JDP2: variants seen among roughly 807,000 people sequenced by gnomAD.
JDP2 encodes the protein Jun dimerization protein 2.
Under a neutral mutation model 17.1 loss-of-function variants are expected in JDP2, and 9 were observed. That is an observed-to-expected ratio of 0.53 (90% CI 0.32 to 0.92). JDP2 has a LOEUF of 0.92. Among genes scored for constraint, JDP2 ranks in the 40% least tolerant of loss-of-function variants. The pLI is 0.04. For synonymous variants in JDP2, 107 were observed against 95.6 expected (o/e 1.12, Z -0.69); for missense variants, 179 against 220.0 (o/e 0.81, Z 1.18).
At chr14:75,445,010 C>A in intron 2 of JDP2, 1 of 704,936 alleles carries the variant, frequency 1.4e-6, no homozygotes, top group Non-Finnish European at 1.7e-6. Context: ...GTATTCCCAT[C>A]AACCAACAAT....
intron 2 of JDP2, among the ~76,000 whole-genome samples, chr14:75,440,140 C>T (rs1417721515): frequency 6.6e-6 from 1 of 152,218 alleles, no homozygotes; most frequent in Non-Finnish European, 1.5e-5. Context: ...GTGCTGTCCT[C>T]ACAGGCACCC....
intron 2 of JDP2, among the ~76,000 whole-genome samples, chr14:75,447,392 G>A (rs753930945): frequency 3.3e-5 from 5 of 152,088 alleles, no homozygotes; most frequent in East Asian, 1.9e-4. Flanking sequence ...GAGAGCTGAC[G>A]CTCAGAAGAT....
intron 3 of JDP2, among the ~76,000 whole-genome samples, chr14:75,462,285 C>G (rs987746919): frequency 2.6e-5 from 4 of 152,188 alleles, no homozygotes; most frequent in Non-Finnish European, 4.4e-5. Flanking sequence ...CCAGGAGTCT[C>G]TGGTCTTTCC....
rs1885479592 is a variant in JDP2, at chr14:75,443,982, AG to A, written c.201+5862del. ...CAATGGCATGATCTTGGCTCACTGC[AG>A]CCTTGACCTCTTGAGCTCAAGAAAT... On this transcript the variant is annotated intron_variant, in intron 2 of 3. Transcript: ENST00000651602. Among the ~76,000 whole-genome samples, 3 of 151,924 alleles carry A rather than the reference AG, an allele frequency of 2.0e-5. No individual in the cohort carries two copies. In the South Asian group the frequency reaches 6.2e-4, roughly 32 times the overall value.
Position 75,469,358 on chromosome 14 carries a change from G to A in JDP2, c.375G>A (p.Arg125=). Residue 125 remains arginine (R), a synonymous_variant, in exon 4 of 4, where the codon CGG becomes CGA. Coordinates refer to ENST00000651602, the MANE Select transcript of JDP2 (RefSeq NM_001135048.2). Reference sequence around the variant, plus strand: ...AGATTGAGGAGCTGAAGCAGGAGCGGCAGCAGCTCATCCTGATGCTGAACC... The same window carrying A: ...AGATTGAGGAGCTGAAGCAGGAGCGACAGCAGCTCATCCTGATGCTGAACC... ...KTQIEELKQE[R]QQLILMLNRH... The A allele has an allele frequency of 6.2e-7, 1 of 1,614,172 alleles. No homozygotes were observed. Among genetic ancestry groups the A allele is most frequent in the Non-Finnish European group, 8.5e-7 (1 of 1,180,024 alleles).
At chr14:75,432,270 A>C (rs1444383550) in intron 1 of JDP2, 2 of 1,535,630 alleles carry the variant, frequency 1.3e-6, no homozygotes, top group East Asian at 4.9e-5. Context: ...GAGAGAGGTC[A>C]TCCTGGGTGA....
At chr14:75,464,366 A>G (rs1482743203) in intron 3 of JDP2, among the ~76,000 whole-genome samples, 5 of 152,234 alleles carry the variant, frequency 3.3e-5, no homozygotes, top group African/African-American at 1.2e-4. Flanking sequence ...AGGGTTCTGC[A>G]GCTGTGATTT....
chr14:75,445,464 C>G, intron 2 of JDP2: 1 of 985,386 alleles, frequency 1.0e-6, no homozygotes, highest in Non-Finnish European at 1.2e-6. Context: ...CTCTGTAGTC[C>G]TCCCTACACC....
At chr14:75,434,242 C>T (rs1224425448) in intron 1 of JDP2, among the ~76,000 whole-genome samples, 1 of 152,184 alleles carries the variant, frequency 6.6e-6, no homozygotes, top group Admixed American at 6.5e-5. Flanking sequence ...TCAGCCAGCT[C>T]TTTGCAGTTA....
At chr14:75,448,859 GGC>G (rs1885725669) in intron 2 of JDP2, among the ~76,000 whole-genome samples, 1 of 152,184 alleles carries the variant, frequency 6.6e-6, no homozygotes, top group African/African-American at 2.4e-5. Flanking sequence ...CCATAGCCCT[GGC>G]AATGGGGAGC....
At chr14:75,451,542 T>C (rs1235648572) in intron 2 of JDP2, among the ~76,000 whole-genome samples, 2 of 151,938 alleles carry the variant, frequency 1.3e-5, no homozygotes, top group East Asian at 1.9e-4. Flanking sequence ...ACCACGTGAG[T>C]AGATGCAAAC....
Position 75,466,781 on chromosome 14 carries a change from G to A in JDP2, c.307-2509G>A, listed in dbSNP as rs748719076. On this transcript the variant is annotated intron_variant, in intron 3 of 3. Coordinates refer to ENST00000651602, the MANE Select transcript of JDP2 (RefSeq NM_001135048.2). ...TCCTTTTCCTTCCCACCGCTTTCCA[G>A]AACAGCTGCCCTCCCAGGCTTCATT... Among the ~76,000 whole-genome samples the A allele has an allele frequency of 7.2e-5, 11 of 152,254 alleles. No homozygotes were observed. The South Asian group carries it at 1.5e-3, about 20-fold the overall frequency.
chr14:75,439,635 CA>C (rs1399038917), intron 2 of JDP2, among the ~76,000 whole-genome samples: 4 of 152,242 alleles, frequency 2.6e-5, no homozygotes, highest in Non-Finnish European at 5.9e-5. Flanking sequence ...TAAGGTCCAT[CA>C]TAGGTGCCTA....
chr14:75,441,942 G>C (rs1048328104), intron 2 of JDP2, among the ~76,000 whole-genome samples: 1 of 152,050 alleles, frequency 6.6e-6, no homozygotes, highest in South Asian at 2.1e-4. Flanking sequence ...GTTGGGAGGG[G>C]AGGGAGGCCT....
At chr14:75,429,466 A>T (rs1884686903) in intron 1 of JDP2, among the ~76,000 whole-genome samples, 2 of 152,096 alleles carry the variant, frequency 1.3e-5, no homozygotes. Context: ...GTTTGGGTAC[A>T]TTTGTACCCA....
intron 2 of JDP2, among the ~76,000 whole-genome samples, chr14:75,441,808 C>T (rs1566738368): frequency 1.3e-5 from 2 of 152,236 alleles, no homozygotes; most frequent in Non-Finnish European, 2.9e-5. Context: ...TAGCCCCTCA[C>T]AGCTGGACTC....
chr14:75,440,130 G>T (rs902277079), intron 2 of JDP2, among the ~76,000 whole-genome samples: 1 of 152,164 alleles, frequency 6.6e-6, no homozygotes, highest in African/African-American at 2.4e-5. Context: ...CGACAGTGAC[G>T]TGCTGTCCTC....
chr14:75,441,182 G>A (rs1125941), intron 2 of JDP2, among the ~76,000 whole-genome samples: 87,039 of 151,750 alleles, frequency 0.57, 25,728 homozygotes, highest in African/African-American at 0.73. Context: ...GCCGCTGTGC[G>A]GGCAGCTCTG....
chr14:75,454,855 G>C (rs1262365571), intron 2 of JDP2, among the ~76,000 whole-genome samples: 1 of 152,020 alleles, frequency 6.6e-6, no homozygotes, highest in African/African-American at 2.4e-5. Flanking sequence ...AGAGAGGCAG[G>C]AGGAGCCAGG....
Sources: allele counts gnomAD v4.1 joint callset (sites outside exome capture counted in the v4.1 genomes callset), GRCh38; gene constraint gnomAD v4.1.1; transcripts MANE v1.5; gene names NCBI Gene and HGNC (gene_info 2026-07-23, HGNC 2026-07-21).